Variants in SPAG17 observed in about 807,000 individuals in gnomAD.
The protein encoded by SPAG17 is sperm associated antigen 17.
SPAG17 carries 169 observed loss-of-function variants against 273.6 expected under a neutral mutation model. The observed-to-expected ratio is 0.62, with a 90% confidence interval of 0.55 to 0.70. The LOEUF is 0.70. Ranked by LOEUF, SPAG17 falls within the 30% of genes least tolerant of loss-of-function variation. The pLI is 0.00. For missense variants in SPAG17, 2,557 were observed against 2,627.8 expected (o/e 0.97, Z 0.59); for synonymous variants, 825 against 873.2 (o/e 0.94, Z 0.97).
At chr1:118,004,345 C>G (rs1034669236) in intron 32 of SPAG17, among the ~76,000 whole-genome samples, 3 of 152,210 alleles carry the variant, frequency 2.0e-5, no homozygotes, top group Admixed American at 6.5e-5. Flanking sequence ...CTGCTCTCTT[C>G]AGAGCTGTTG....
rs7523289 is a variant in SPAG17 at position 118,141,888 on chromosome 1, T to A, written c.315+8655A>T. On this transcript the variant is annotated intron_variant, in intron 3 of 48. Transcript: ENST00000336338. The stretch of plus-strand genomic sequence containing the variant: ...CAAAGAAGAATAATGTATATTAGTC[T>A]CCATCACGGCCATGAGGACTAGTAT... Among the ~76,000 whole-genome samples, 92 of 152,266 alleles carry A rather than the reference T, an allele frequency of 6.0e-4. 1 individual carries two copies. Among genetic ancestry groups the A allele is most frequent in the Admixed American group, 2.7e-3 (41 of 15,302 alleles).
intron 29 of SPAG17, among the ~76,000 whole-genome samples, chr1:118,015,690 C>A (rs186270837): frequency 6.6e-6 from 1 of 152,218 alleles, no homozygotes; most frequent in Non-Finnish European, 1.5e-5. Context: ...TCATGAACTG[C>A]CGCTCACCTC....
chr1:118,008,337 T>A, intron 30 of SPAG17, 139 bp from the exon 31 acceptor site: 3 of 878,240 alleles, frequency 3.4e-6, no homozygotes, highest in Non-Finnish European at 5.2e-6. Flanking sequence ...CTAGAGCAAG[T>A]ACTGAGAACT....
At chr1:118,102,026 G>C (rs1656103117) in intron 4 of SPAG17, 100 bp from the exon 5 acceptor site, 1 of 988,586 alleles carries the variant, frequency 1.0e-6, no homozygotes, top group Middle Eastern at 2.2e-4. Flanking sequence ...TCAATCACTT[G>C]TATACTCTTT....
At chr1:118,137,236 A>G (rs892305165) in intron 3 of SPAG17, among the ~76,000 whole-genome samples, 1 of 152,222 alleles carries the variant, frequency 6.6e-6, no homozygotes, top group Non-Finnish European at 1.5e-5. Context: ...AAATGAAACA[A>G]TAATAATTCA....
chr1:117,987,797 C>A, intron 40 of SPAG17, 37 bp downstream of exon 40: 1 of 1,609,194 alleles, frequency 6.2e-7, no homozygotes, highest in Admixed American at 1.7e-5. Context: ...ACTCTGGGCC[C>A]TTTCAGGTCC....
intron 1 of SPAG17, among the ~76,000 whole-genome samples, chr1:118,183,543 C>A (rs1570845891): frequency 6.6e-6 from 1 of 152,146 alleles, no homozygotes; most frequent in Admixed American, 6.5e-5. Flanking sequence ...CTACATATTA[C>A]TTTGAGTTCA....
intron 15 of SPAG17, among the ~76,000 whole-genome samples, chr1:118,080,251 C>T (rs1248005674): frequency 6.6e-6 from 1 of 152,060 alleles, no homozygotes; most frequent in East Asian, 1.9e-4. Context: ...AGAGGCATTT[C>T]CATATGGACA....
intron 1 of SPAG17, among the ~76,000 whole-genome samples, chr1:118,162,015 T>C (rs1444012814): frequency 1.3e-5 from 2 of 152,140 alleles, no homozygotes; most frequent in African/African-American, 2.4e-5. Flanking sequence ...CCCTCACTTG[T>C]GTAATCCTAC....
At chr1:118,009,856 GGAAAATAAA>G (rs143171226) in intron 30 of SPAG17, among the ~76,000 whole-genome samples, 10,798 of 151,302 alleles carry the variant, frequency 0.071, 569 homozygotes, top group East Asian at 0.31. Context: ...GAATAAATAA[GGAAAATAAA>G]GAAAATAAAG....
At chr1:118,065,781 AAT>A (rs1652899733) in intron 18 of SPAG17, among the ~76,000 whole-genome samples, 1 of 152,102 alleles carries the variant, frequency 6.6e-6, no homozygotes, top group South Asian at 2.1e-4. Flanking sequence ...GCAAACTAGA[AAT>A]AGTTTTTTTA....
intron 16 of SPAG17, among the ~76,000 whole-genome samples, 189 bp downstream of exon 16, chr1:118,074,350 G>A (rs1392713777): frequency 1.3e-5 from 2 of 152,128 alleles, no homozygotes; most frequent in East Asian, 1.9e-4. Context: ...TGCGCAAGCC[G>A]CCTAGCAATA....
intron 17 of SPAG17, among the ~76,000 whole-genome samples, chr1:118,071,421 G>A (rs987276567): frequency 6.6e-6 from 1 of 151,984 alleles, no homozygotes; most frequent in Admixed American, 6.6e-5. Flanking sequence ...AGGCCAAGGC[G>A]GGTGGATCAC....
chr1:118,156,443 A>G (rs1387114128), intron 1 of SPAG17, among the ~76,000 whole-genome samples: 1 of 152,246 alleles, frequency 6.6e-6, no homozygotes, highest in Admixed American at 6.5e-5. Flanking sequence ...CAGGGTATTC[A>G]GTCCATGGCC....
chr1:118,031,611 T>G, intron 25 of SPAG17, 81 bp downstream of exon 25: 1 of 1,393,298 alleles, frequency 7.2e-7, no homozygotes, highest in Non-Finnish European at 1.0e-6. Flanking sequence ...ATAATAACAC[T>G]ATTGACATAA....
At chr1:118,034,972 G>C (rs562780439) in intron 24 of SPAG17, among the ~76,000 whole-genome samples, 1 of 152,230 alleles carries the variant, frequency 6.6e-6, no homozygotes, top group East Asian at 1.9e-4. Flanking sequence ...TTTCATAGCT[G>C]TACTGTCTAC....
chr1:118,052,171 A>G (rs1204248598), intron 20 of SPAG17, among the ~76,000 whole-genome samples: 1 of 147,386 alleles, frequency 6.8e-6, no homozygotes, highest in African/African-American at 2.5e-5. Context: ...TATATAAACT[A>G]TTATATATAT....
chr1:118,053,506 T>G (rs949917831), intron 20 of SPAG17, among the ~76,000 whole-genome samples: 6 of 151,994 alleles, frequency 3.9e-5, no homozygotes, highest in African/African-American at 1.4e-4. Context: ...ACACCCAAAT[T>G]CAGTGGGGAG....
intron 3 of SPAG17, among the ~76,000 whole-genome samples, chr1:118,136,542 G>T (rs1658366793): frequency 6.6e-6 from 1 of 152,134 alleles, no homozygotes. Flanking sequence ...GGCGGGTGTG[G>T]GGGCTATTTT....
Sources: gnomAD v4.1 joint callset for allele counts (sites outside exome capture counted in the v4.1 genomes callset) on GRCh38, gnomAD v4.1.1 for gene constraint, MANE v1.5 for transcripts, NCBI Gene and HGNC (gene_info 2026-07-23, HGNC 2026-07-21) for gene names.